SAMSN1: variants seen among roughly 807,000 people sequenced by gnomAD.
The protein encoded by SAMSN1 is SAM domain-containing protein SAMSN-1.
SAMSN1 carries 31 observed loss-of-function variants against 42.0 expected under a neutral mutation model. The ratio of observed to expected loss-of-function variants is 0.74; its 90% confidence interval spans 0.55 to 1.00. The LOEUF (loss-of-function observed/expected upper bound fraction) is 1.00, where lower values mean the gene tolerates loss of function less well. SAMSN1 is among the 50% of genes least tolerant of loss of function. SAMSN1 has a pLI of 0.00. For synonymous variants in SAMSN1, 178 were observed against 151.9 expected, an observed-to-expected ratio of 1.17 and a Z score of -1.26; for missense variants, 464 against 439.4, an observed-to-expected ratio of 1.06 and a Z score of -0.50.
chr21:14,506,062 C>T lies in SAMSN1; in HGVS notation c.561+4248G>A, dbSNP rs376095840. 7.0e-4 allele frequency among the ~76,000 whole-genome samples: 106 copies of T among 152,088 alleles called. 1 individual carries two copies. The South Asian group carries it at 0.011, about 16-fold the overall frequency. On this transcript the variant is annotated intron_variant, in intron 5 of 7. Coordinates refer to ENST00000400566, the MANE Select transcript of SAMSN1 (RefSeq NM_022136.5). ...ACATGACCTATGACAACCTCTGGGA[C>T]ACAGCAAAGGGGGTGCTAAGGGGAA...
chr21:14,652,479 A>G (rs1231029496), intron 1 of SAMSN1, among the ~76,000 whole-genome samples: 1 of 152,086 alleles, frequency 6.6e-6, no homozygotes, highest in Non-Finnish European at 1.5e-5. Context: ...GAAAAACTAA[A>G]TATTCAAATG....
chr21:14,573,266 C>T (rs1213494104), intron 2 of SAMSN1, among the ~76,000 whole-genome samples: 8 of 152,150 alleles, frequency 5.3e-5, no homozygotes. Flanking sequence ...TTAAACTTCA[C>T]CCATCCATTT....
At chr21:14,554,067 TC>T (rs1314498794) in intron 2 of SAMSN1, among the ~76,000 whole-genome samples, 4 of 152,186 alleles carry the variant, frequency 2.6e-5, no homozygotes, top group Non-Finnish European at 1.5e-5. Flanking sequence ...CCAGGAAAAT[TC>T]CGTTACTTTT....
chr21:14,524,195 T>C (rs2822728), intron 1 of SAMSN1, among the ~76,000 whole-genome samples: 42,632 of 152,094 alleles, frequency 0.28, 6,715 homozygotes, highest in Non-Finnish European at 0.35. Flanking sequence ...TGTAAAGTTT[T>C]ATGATAACAA....
At chr21:14,589,941 A>G (rs1162701599) in intron 7 of SAMSN1, among the ~76,000 whole-genome samples, 6 of 152,168 alleles carry the variant, frequency 3.9e-5, no homozygotes, top group African/African-American at 1.4e-4. Flanking sequence ...GGAGTTTTTC[A>G]AAAATTAATA....
intron 2 of SAMSN1, among the ~76,000 whole-genome samples, chr21:14,629,910 A>C (rs1019754440): frequency 1.3e-5 from 2 of 152,200 alleles, no homozygotes; most frequent in Admixed American, 1.3e-4. Context: ...GAGGTCTCTT[A>C]AGTGTCCTTA....
intron 2 of SAMSN1, among the ~76,000 whole-genome samples, chr21:14,573,377 C>A (rs749952895): frequency 6.6e-5 from 10 of 152,106 alleles, no homozygotes; most frequent in Non-Finnish European, 1.3e-4. Context: ...AATGGAAATT[C>A]TTGTTCATGA....
At chr21:14,562,521 A>C (rs1470545828) in intron 2 of SAMSN1, among the ~76,000 whole-genome samples, 1 of 149,870 alleles carries the variant, frequency 6.7e-6, no homozygotes, top group Non-Finnish European at 1.5e-5. Flanking sequence ...TACTAATACT[A>C]TCTATACTAT....
chr21:14,570,356 C>G (rs1042361365), intron 2 of SAMSN1, among the ~76,000 whole-genome samples: 1 of 152,248 alleles, frequency 6.6e-6, no homozygotes, highest in East Asian at 1.9e-4. Flanking sequence ...TGCATGGCTC[C>G]AAGCCACTCT....
chr21:14,485,470 A>G lies in SAMSN1; in HGVS notation c.*442T>C, dbSNP rs571854069. 3.3e-4 allele frequency: 51 copies of G among 155,168 alleles called. 1 individual carries two copies. In the South Asian group the frequency reaches 9.5e-3, roughly 29 times the overall value. 9.6% of individuals were successfully genotyped at this position (155,168 alleles called of 1,614,324 possible). A position where few individuals can be genotyped will look rare whatever the true frequency, so the allele number is the denominator to read the frequency against. On this transcript the variant is annotated 3_prime_UTR_variant, in exon 8 of 8. Coordinates refer to ENST00000400566, the MANE Select transcript of SAMSN1 (RefSeq NM_022136.5). ...TCCAATATTAACTCACACTTTCCCA[A>G]TAAGTATAAAAATGAATATAACATT...
At chr21:14,650,743 G>C (rs1329476099) in intron 1 of SAMSN1, among the ~76,000 whole-genome samples, 1 of 151,668 alleles carries the variant, frequency 6.6e-6, no homozygotes, top group Non-Finnish European at 1.5e-5. Flanking sequence ...TGACAAAAAA[G>C]GTTGTTTTTT....
At chr21:14,502,610 A>G (rs1987215466) in intron 5 of SAMSN1, among the ~76,000 whole-genome samples, 1 of 152,148 alleles carries the variant, frequency 6.6e-6, no homozygotes, top group Non-Finnish European at 1.5e-5. Context: ...GTCCCTTGGC[A>G]CGGTATTGTA....
intron 2 of SAMSN1, among the ~76,000 whole-genome samples, chr21:14,566,932 C>A (rs9980028): frequency 6.6e-6 from 1 of 151,952 alleles, no homozygotes; most frequent in African/African-American, 2.4e-5. Context: ...ATGGTTCAAA[C>A]ATCTTAGGAT....
intron 2 of SAMSN1, among the ~76,000 whole-genome samples, chr21:14,567,391 A>T (rs922706983): frequency 6.6e-6 from 1 of 152,046 alleles, no homozygotes; most frequent in African/African-American, 2.4e-5. Flanking sequence ...AATGATAAAA[A>T]TTATTTAATT....
chr21:14,521,187 C>T lies in SAMSN1; in HGVS notation c.92G>A (p.Arg31Gln), dbSNP rs199748093. 29 of 1,609,820 alleles carry T rather than the reference C, an allele frequency of 1.8e-5. No individual in the cohort carries two copies. The highest frequency in any genetic ancestry group is 1.3e-4 in the African/African-American group (10 of 74,686). The change falls in exon 2 of 8, where the codon CGG becomes CAG. Residue 31 changes from arginine (R) to glutamine (Q), a missense_variant. Transcript: ENST00000400566. ...SSSFGNFDRF[R>Q]NNSLSKPDDS... is the part of the protein sequence containing the mutation. Reference sequence around the variant, plus strand: ...ATCTGGTTTTGATAAAGAATTATTCCGAAAACGATCGAAATTCCCAAAACT... The same window carrying T: ...ATCTGGTTTTGATAAAGAATTATTCTGAAAACGATCGAAATTCCCAAAACT...
intron 1 of SAMSN1, among the ~76,000 whole-genome samples, chr21:14,648,618 C>G (rs1983766842): frequency 6.6e-6 from 1 of 151,834 alleles, no homozygotes; most frequent in Non-Finnish European, 1.5e-5. Flanking sequence ...AGGATATGAA[C>G]AGACACTTCT....
chr21:14,597,534 T>G (rs993660553), intron 6 of SAMSN1, among the ~76,000 whole-genome samples: 1 of 152,212 alleles, frequency 6.6e-6, no homozygotes, highest in Admixed American at 6.6e-5. Flanking sequence ...ACTGTTTAAC[T>G]GTGGACACAG....
At chr21:14,553,022 T>C (rs1317833374) in intron 2 of SAMSN1, among the ~76,000 whole-genome samples, 1 of 152,054 alleles carries the variant, frequency 6.6e-6, no homozygotes, top group African/African-American at 2.4e-5. Flanking sequence ...CTATTTCAAC[T>C]CTTTTTCTGA....
intron 7 of SAMSN1, among the ~76,000 whole-genome samples, chr21:14,494,333 G>A (rs377697229): frequency 1.2e-4 from 19 of 152,220 alleles, no homozygotes; most frequent in African/African-American, 4.6e-4. Context: ...ATGACAGACT[G>A]GATAAAGAAA....
Sources: gnomAD v4.1 joint callset for allele counts (sites outside exome capture counted in the v4.1 genomes callset) on GRCh38, gnomAD v4.1.1 for gene constraint, MANE v1.5 for transcripts, NCBI Gene and HGNC (gene_info 2026-07-23, HGNC 2026-07-21) for gene names.